Variants in NXPE4 observed in about 807,000 individuals in gnomAD.
NXPE4 encodes the protein neurexophilin and PC-esterase domain family member 4.
Under a neutral mutation model 33.3 loss-of-function variants are expected in NXPE4, and 42 were observed. The ratio of observed to expected loss-of-function variants is 1.26; its 90% CI spans 0.98 to 1.63. NXPE4 has a LOEUF of 1.63. NXPE4 is among the 40% of genes most tolerant of loss of function. The pLI is 0.00. For synonymous variants in NXPE4, 253 were observed against 234.9 expected (o/e 1.08, Z -0.71); for missense variants, 709 against 647.6 (o/e 1.09, Z -1.03).
the NXPE4 span, among the ~76,000 whole-genome samples, chr11:114,645,806 T>G: frequency 6.6e-6 from 1 of 152,154 alleles, no homozygotes; most frequent in Non-Finnish European, 1.5e-5. Flanking sequence ...AGAATTCAAA[T>G]CACAGTGACA....
the NXPE4 span, among the ~76,000 whole-genome samples, chr11:114,617,958 C>A: frequency 6.6e-6 from 1 of 151,904 alleles, no homozygotes; most frequent in Non-Finnish European, 1.5e-5. Flanking sequence ...TCGTGGGAAA[C>A]CACTGTTATC....
At chr11:114,595,268 C>G (rs1046792579) in intron 1 of NXPE4, among the ~76,000 whole-genome samples, 4 of 152,038 alleles carry the variant, frequency 2.6e-5, no homozygotes, top group African/African-American at 7.3e-5. Context: ...TTCTAGCACC[C>G]CCTCAAGCTT....
chr11:114,633,191 A>T, the NXPE4 span, among the ~76,000 whole-genome samples: 1 of 127,718 alleles, frequency 7.8e-6, no homozygotes, highest in South Asian at 2.3e-4. Flanking sequence ...ATTATATTTT[A>T]TTATGTATAA....
chr11:114,600,658 T>C (rs577529454), upstream of NXPE4, among the ~76,000 whole-genome samples: 5 of 152,184 alleles, frequency 3.3e-5, no homozygotes, highest in South Asian at 2.1e-4. Flanking sequence ...CAATTTGAGA[T>C]CCTGGATTGG....
chr11:114,661,774 G>T, the NXPE4 span, among the ~76,000 whole-genome samples: 1 of 152,180 alleles, frequency 6.6e-6, no homozygotes, highest in Non-Finnish European at 1.5e-5. Flanking sequence ...TTCAAAACTT[G>T]CTAGGAAGCT....
Position 114,576,829 on chromosome 11 carries a change from G to T in NXPE4, c.1099+3303C>A, listed in dbSNP as rs181100518. On this transcript the variant is annotated intron_variant, in intron 5 of 5. Transcript: ENST00000375478. ...ATCTACCATTTGATCCAGCAATCCT[G>T]CTTCTTGGTATCTACCCAGAGGAAG... Among the ~76,000 whole-genome samples, 37 of 151,564 alleles carry T rather than the reference G, an allele frequency of 2.4e-4. 1 individual carries two copies. Among genetic ancestry groups the T allele is most frequent in the African/African-American group, 6.5e-4 (27 of 41,380 alleles).
the NXPE4 span, among the ~76,000 whole-genome samples, chr11:114,620,568 C>T: frequency 1.6e-4 from 24 of 151,822 alleles, no homozygotes; most frequent in East Asian, 3.9e-4. Context: ...CACTGTTACG[C>T]GGTGGATAAT....
At chr11:114,627,794 A>G in the NXPE4 span, among the ~76,000 whole-genome samples, 4 of 152,012 alleles carry the variant, frequency 2.6e-5, no homozygotes, top group Admixed American at 6.6e-5. Context: ...GCAGAGACAC[A>G]CATGGGCTCA....
chr11:114,602,329 T>C, the NXPE4 span, among the ~76,000 whole-genome samples: 2 of 124,276 alleles, frequency 1.6e-5, no homozygotes, highest in Non-Finnish European at 1.6e-5. Flanking sequence ...TTATACTATA[T>C]ATATGTTATC....
At chr11:114,580,788 A>C (rs1949126593) in intron 4 of NXPE4, among the ~76,000 whole-genome samples, 1 of 152,170 alleles carries the variant, frequency 6.6e-6, no homozygotes, top group Non-Finnish European at 1.5e-5. Context: ...AAATATTAAC[A>C]ACTAGTTTGG....
chr11:114,666,129 T>C, the NXPE4 span, among the ~76,000 whole-genome samples: 1 of 152,154 alleles, frequency 6.6e-6, no homozygotes, highest in South Asian at 2.1e-4. Context: ...TAGACAGCCA[T>C]GCCATCCTTT....
the NXPE4 span, among the ~76,000 whole-genome samples, chr11:114,602,070 A>ATATTCTATATT: frequency 2.1e-5 from 2 of 95,970 alleles, no homozygotes; most frequent in East Asian, 3.2e-4. Flanking sequence ...ATTATAATAT[A>ATATTCTATATT]TATTCTATAT....
intron 2 of NXPE4, among the ~76,000 whole-genome samples, chr11:114,593,839 G>A (rs1214817247): frequency 6.6e-6 from 1 of 152,112 alleles, no homozygotes; most frequent in African/African-American, 2.4e-5. Flanking sequence ...GTAGTATTCA[G>A]TTATAAAAAG....
chr11:114,663,655 CTATT>C, the NXPE4 span, among the ~76,000 whole-genome samples: 4 of 146,542 alleles, frequency 2.7e-5, no homozygotes, highest in African/African-American at 7.6e-5. Context: ...CATCTATCAT[CTATT>C]TATCTATCAT....
the NXPE4 span, among the ~76,000 whole-genome samples, chr11:114,605,614 G>T: frequency 2.6e-5 from 4 of 152,030 alleles, no homozygotes; most frequent in Non-Finnish European, 5.9e-5. Flanking sequence ...TTACCCGGTG[G>T]ATAATAAGTG....
the NXPE4 span, among the ~76,000 whole-genome samples, chr11:114,615,360 A>T: frequency 6.6e-6 from 1 of 151,958 alleles, no homozygotes; most frequent in Non-Finnish European, 1.5e-5. Context: ...CCTCGTGGAT[A>T]ACCACTGTTA....
the NXPE4 span, among the ~76,000 whole-genome samples, chr11:114,633,676 C>T: frequency 8.0e-5 from 12 of 149,388 alleles, no homozygotes; most frequent in African/African-American, 2.9e-4. Flanking sequence ...CATGTGTTCT[C>T]ATTGTTCAAT....
chr11:114,625,931 T>C, the NXPE4 span, among the ~76,000 whole-genome samples: 2 of 151,972 alleles, frequency 1.3e-5, no homozygotes, highest in African/African-American at 4.8e-5. Flanking sequence ...ACCTGGAAAA[T>C]CAGGTCACTC....
chr11:114,676,610 G>A, the NXPE4 span, among the ~76,000 whole-genome samples: 6 of 151,858 alleles, frequency 4.0e-5, no homozygotes, highest in Non-Finnish European at 7.4e-5. Context: ...CGAAAGATAA[G>A]TGATGGTGAG....
Sources: gnomAD v4.1 joint callset for allele counts (sites outside exome capture counted in the v4.1 genomes callset) on GRCh38, gnomAD v4.1.1 for gene constraint, MANE v1.5 for transcripts, NCBI Gene and HGNC (gene_info 2026-07-23, HGNC 2026-07-21) for gene names.